NSD2: variants seen among roughly 807,000 people sequenced by gnomAD.
The protein encoded by NSD2 is nuclear receptor binding SET domain protein 2, also known as histone-lysine N-methyltransferase NSD2.
A neutral mutation model predicts 139.0 loss-of-function variants in NSD2; 12 were observed. The observed-to-expected ratio is 0.09, with a 90% confidence interval of 0.06 to 0.14. The LOEUF is 0.14. Among genes scored for constraint, NSD2 ranks in the 10% least tolerant of loss-of-function variants. NSD2 has a pLI of 1.00. For synonymous variants in NSD2, 669 were observed against 648.7 expected, an observed-to-expected ratio of 1.03 and a Z score of -0.48; for missense variants, 1,155 against 1,745.0, an observed-to-expected ratio of 0.66 and a Z score of 6.02.
intron 5 of NSD2, among the ~76,000 whole-genome samples, chr4:1,923,664 T>A (rs188274472): frequency 1.4e-4 from 22 of 152,320 alleles, no homozygotes; most frequent in African/African-American, 5.3e-4. Flanking sequence ...TGGCAAGATC[T>A]AGTGAAATTG....
rs1726831656 is a variant in NSD2 at position 1,974,318 on chromosome 4, C to A, written c.3373-545C>A. On this transcript the variant is annotated intron_variant, in intron 18 of 21. Coordinates refer to ENST00000508803, the MANE Select transcript of NSD2 (RefSeq NM_001042424.3). The surrounding 1 kb of genome is among the most constrained non-coding windows in gnomAD (Gnocchi z 4.0). Reference sequence around the variant, plus strand: ...CTCCGCCTCCCGGGTTCAAGTGATTCTCCTGCCTCAGCCTCCCGAGTAGCT... The same window carrying A: ...CTCCGCCTCCCGGGTTCAAGTGATTATCCTGCCTCAGCCTCCCGAGTAGCT... Among the ~76,000 whole-genome samples the A allele has an allele frequency of 6.6e-6, 1 of 151,922 alleles. No individual in the cohort carries two copies. Among genetic ancestry groups the A allele is most frequent in the South Asian group, 2.1e-4 (1 of 4,822 alleles).
chr4:1,878,755 T>G (rs1714488053), intron 1 of NSD2, among the ~76,000 whole-genome samples: 1 of 152,160 alleles, frequency 6.6e-6, no homozygotes, highest in Non-Finnish European at 1.5e-5. Flanking sequence ...GGCCATGGGC[T>G]GGTGGCAGAG....
chr4:1,979,531 G>T lies in NSD2; in HGVS notation c.*622G>T, dbSNP rs144845434. 8.6e-6 allele frequency: 2 copies of T among 233,084 alleles called. No homozygotes were observed. The highest frequency in any genetic ancestry group is 4.4e-5 in the African/African-American group (2 of 45,446). 14.4% of individuals were successfully genotyped at this position (233,084 alleles called of 1,614,324 possible). On this transcript the variant is annotated 3_prime_UTR_variant, in exon 22 of 22. Transcript: ENST00000508803. ...TGCAGGTGGTGGCAGCAATGGTGTT[G>T]TAAGATTTCCTCCCGTAGTTTTTTC...
intron 9 of NSD2, chr4:1,941,460 C>G: frequency 9.5e-7 from 1 of 1,047,678 alleles, no homozygotes; most frequent in Non-Finnish European, 1.2e-6. Context: ...GAGGCCTGCC[C>G]ATGAGTCAGG....
intron 1 of NSD2, among the ~76,000 whole-genome samples, chr4:1,895,468 C>T (rs1382540562): frequency 6.6e-6 from 1 of 152,124 alleles, no homozygotes; most frequent in Non-Finnish European, 1.5e-5. Flanking sequence ...TCAGATTTAT[C>T]TTCTAATCTA....
chr4:1,933,565 T>C (rs933436783), intron 6 of NSD2, among the ~76,000 whole-genome samples: 1 of 151,944 alleles, frequency 6.6e-6, no homozygotes, highest in African/African-American at 2.4e-5. Flanking sequence ...AATTTTTTTT[T>C]TTGTATTTTT....
rs1026690256 is a variant in NSD2, at chr4:1,956,642, G to A, written c.2881+454G>A. 2.0e-5 allele frequency among the ~76,000 whole-genome samples: 3 copies of A among 152,180 alleles called. No homozygotes were observed. The highest frequency in any genetic ancestry group is 4.8e-5 in the African/African-American group (2 of 41,430). On this transcript the variant is annotated intron_variant, in intron 15 of 21. Transcript: ENST00000508803. The surrounding 1 kb of genome is among the most constrained non-coding windows in gnomAD (Gnocchi z 5.3). The stretch of plus-strand genomic sequence containing the variant: ...AGCTGGGGTGGGAGGCAGGAGCAAC[G>A]ATGTGGCATGGCTGGCTGATGACCC...
At chr4:1,960,350 T>C (rs1233084875) in intron 17 of NSD2, among the ~76,000 whole-genome samples, 1 of 152,216 alleles carries the variant, frequency 6.6e-6, no homozygotes, top group Non-Finnish European at 1.5e-5. Flanking sequence ...TTGGGAGCAC[T>C]CACCAGCAGG....
intron 1 of NSD2, among the ~76,000 whole-genome samples, chr4:1,894,544 T>C (rs1444799955): frequency 1.3e-5 from 2 of 151,950 alleles, no homozygotes; most frequent in Non-Finnish European, 2.9e-5. Context: ...TGGTGGTGCA[T>C]GCCTGTATTC....
intron 18 of NSD2, among the ~76,000 whole-genome samples, chr4:1,967,596 A>G (rs145972570): frequency 8.4e-4 from 127 of 152,074 alleles, no homozygotes; most frequent in South Asian, 4.6e-3. Flanking sequence ...AAAAAAAGAT[A>G]TTTCCAACTT....
intron 1 of NSD2, among the ~76,000 whole-genome samples, chr4:1,872,635 A>AGAGAGC (rs1179623184): frequency 4.0e-4 from 48 of 120,182 alleles, no homozygotes; most frequent in African/African-American, 8.7e-4. Context: ...AGAGAGAGAG[A>AGAGAGC]GCGCGCAGAC....
intron 5 of NSD2, among the ~76,000 whole-genome samples, chr4:1,924,868 A>G (rs1720649546): frequency 1.3e-5 from 2 of 152,186 alleles, no homozygotes; most frequent in Admixed American, 1.3e-4. Flanking sequence ...TCGAGGCTGC[A>G]GTGAGCCATC....
intron 5 of NSD2, among the ~76,000 whole-genome samples, chr4:1,925,389 CTTTTTTTTTTTTTTTTTTT>C (rs34335852): frequency 7.9e-5 from 3 of 37,998 alleles, no homozygotes; most frequent in African/African-American, 1.2e-4. Context: ...CTTTTTCTTT[CTTTTTTTTTTTTTTTTTTT>C]TTTTTTTTGA....
chr4:1,948,752 C>A lies in NSD2; in HGVS notation c.1882-2320C>A, dbSNP rs1328305438. On this transcript the variant is annotated intron_variant, in intron 9 of 21. Transcript: ENST00000508803. The surrounding 1 kb of genome is among the most constrained non-coding windows in gnomAD (Gnocchi z 4.5). The stretch of plus-strand genomic sequence containing the variant: ...AACAGACTTTGTTAATGTAGGAAAT[C>A]TCTCCAAGTGGAAACGTGCTAACTT... 6 of 1,047,976 alleles carry A rather than the reference C, an allele frequency of 5.7e-6. No individual in the cohort carries two copies. Among genetic ancestry groups the A allele is most frequent in the Non-Finnish European group, 6.9e-6 (6 of 867,490 alleles). The allele number at this position is 1,047,976 out of a possible 1,614,324, so 64.9% of individuals were successfully genotyped here. A position where few individuals can be genotyped will look rare whatever the true frequency, so the allele number is the denominator to read the frequency against.
chr4:1,897,616 C>CA (rs1303139095), intron 1 of NSD2, among the ~76,000 whole-genome samples: 2 of 152,116 alleles, frequency 1.3e-5, no homozygotes, highest in Admixed American at 1.3e-4. Flanking sequence ...CCCGTCTCTA[C>CA]AAAAAATTTT....
intron 10 of NSD2, among the ~76,000 whole-genome samples, chr4:1,951,806 C>G (rs939039154): frequency 7.2e-5 from 11 of 152,134 alleles, no homozygotes; most frequent in Non-Finnish European, 1.6e-4. Flanking sequence ...CCTTTGATTT[C>G]TGTTGATTTT....
chr4:1,948,885 T>G lies in NSD2; in HGVS notation c.1882-2187T>G. 5 of 874,210 alleles carry G rather than the reference T, an allele frequency of 5.7e-6. No individual in the cohort carries two copies. The highest frequency in any genetic ancestry group is 6.9e-6 in the Non-Finnish European group (5 of 719,886). 54.2% of individuals were successfully genotyped at this position (874,210 alleles called of 1,614,324 possible). ...TTTTTTTTCTCATTTTTAAAGCTTT[T>G]TAAGTTTGTTCCACCACGTTAAGGG... On this transcript the variant is annotated intron_variant, in intron 9 of 21. Coordinates refer to ENST00000508803, the MANE Select transcript of NSD2 (RefSeq NM_001042424.3). This position sits in a 1 kb window ranked among gnomAD's most constrained non-coding sequence, Gnocchi z 4.5.
At chr4:1,964,889 A>G (rs2108989240) in intron 18 of NSD2, among the ~76,000 whole-genome samples, 1 of 152,294 alleles carries the variant, frequency 6.6e-6, no homozygotes, top group East Asian at 1.9e-4. Context: ...GAAAGACCTT[A>G]AATTTCCATC....
At chr4:1,947,815 G>T in intron 9 of NSD2, 1 of 1,048,736 alleles carries the variant, frequency 9.5e-7, no homozygotes, top group Non-Finnish European at 1.2e-6. Flanking sequence ...CAAAAACGAT[G>T]TCGTATTCAA....
Sources: allele counts gnomAD v4.1 joint callset (sites outside exome capture counted in the v4.1 genomes callset), GRCh38; gene constraint gnomAD v4.1.1; non-coding constraint Gnocchi (gnomAD v3.1); transcripts MANE v1.5; gene names NCBI Gene and HGNC (gene_info 2026-07-23, HGNC 2026-07-21).